The following COL24A1 variants were observed in gnomAD, a reference collection of about 807,000 sequenced individuals.
The protein encoded by COL24A1 is collagen alpha-1(XXIV) chain.
COL24A1 carries 224 observed loss-of-function variants against 253.9 expected under a neutral mutation model. That is an observed-to-expected ratio of 0.88 (90% CI 0.79 to 0.99). The LOEUF (loss-of-function observed/expected upper bound fraction) is 0.99. COL24A1 is among the 50% of genes least tolerant of loss of function. The probability of loss-of-function intolerance (pLI) is 0.00; values close to 1 mark genes in which losing one functional copy is unlikely to be tolerated. For synonymous variants in COL24A1, 685 were observed against 673.7 expected, an observed-to-expected ratio of 1.02 and a Z score of -0.26; for missense variants, 2,131 against 2,068.5, an observed-to-expected ratio of 1.03 and a Z score of -0.59.
Position 85,977,992 on chromosome 1 carries a change from G to T in COL24A1, c.2365-6599C>A, listed in dbSNP as rs550305098. ...AGCTGTGAGGCAAAAGCATCAGGTA[G>T]CCTATAAAGGAAAACATATCAGATT... On this transcript the variant is annotated intron_variant, in intron 20 of 59. Coordinates refer to ENST00000370571, the MANE Select transcript of COL24A1 (RefSeq NM_152890.7). Among the ~76,000 whole-genome samples, 5 of 152,106 alleles carry T rather than the reference G, an allele frequency of 3.3e-5. No individual in the cohort carries two copies. The South Asian group carries it at 6.2e-4, about 19-fold the overall frequency.
At chr1:86,123,464 T>A (rs1168537095) in intron 3 of COL24A1, among the ~76,000 whole-genome samples, 1 of 152,032 alleles carries the variant, frequency 6.6e-6, no homozygotes, top group Non-Finnish European at 1.5e-5. Context: ...ATCTTCATTA[T>A]GAAATATAAG....
At chr1:85,885,385 A>G (rs1444291182) in intron 32 of COL24A1, among the ~76,000 whole-genome samples, 1 of 89,070 alleles carries the variant, frequency 1.1e-5, no homozygotes, top group African/African-American at 3.8e-5. Context: ...GTGTATATAT[A>G]TATATATATA....
chr1:85,813,499 T>C (rs776453545), intron 47 of COL24A1, among the ~76,000 whole-genome samples: 1 of 148,454 alleles, frequency 6.7e-6, no homozygotes, highest in Non-Finnish European at 1.5e-5. Context: ...GGCAGGTGAC[T>C]TAGGTCAAAT....
At chr1:85,962,644 T>C (rs931386869) in intron 23 of COL24A1, among the ~76,000 whole-genome samples, 1 of 152,106 alleles carries the variant, frequency 6.6e-6, no homozygotes, top group Non-Finnish European at 1.5e-5. Context: ...TCATTTTTAG[T>C]GGTGAGGAAT....
chr1:85,988,016 G>A (rs1334841026), intron 19 of COL24A1, among the ~76,000 whole-genome samples: 1 of 151,400 alleles, frequency 6.6e-6, no homozygotes, highest in Admixed American at 6.6e-5. Flanking sequence ...TTAGGTGAAT[G>A]TACTTTGTTG....
intron 43 of COL24A1, among the ~76,000 whole-genome samples, chr1:85,826,892 C>G (rs1035220589): frequency 3.3e-5 from 5 of 152,190 alleles, no homozygotes; most frequent in African/African-American, 2.4e-5. Flanking sequence ...TTGACTTCCT[C>G]TTTTCCTAAC....
At chr1:85,826,624 T>C (rs1674383675) in intron 43 of COL24A1, among the ~76,000 whole-genome samples, 1 of 151,492 alleles carries the variant, frequency 6.6e-6, no homozygotes, top group Non-Finnish European at 1.5e-5. Context: ...GCAGTTCTCC[T>C]TGAAGAGGTC....
At chr1:85,744,134 GTTCTAATC>G (rs1664949802) in intron 57 of COL24A1, among the ~76,000 whole-genome samples, 1 of 151,862 alleles carries the variant, frequency 6.6e-6, no homozygotes, top group South Asian at 2.1e-4. Flanking sequence ...TTCCTTGGTT[GTTCTAATC>G]TAAATTCATT....
At chr1:85,904,292 A>C (rs1263280220) in intron 28 of COL24A1, among the ~76,000 whole-genome samples, 2 of 152,150 alleles carry the variant, frequency 1.3e-5, no homozygotes, top group Non-Finnish European at 2.9e-5. Context: ...AATCAAGAAA[A>C]AAGATGAGGT....
intron 14 of COL24A1, among the ~76,000 whole-genome samples, chr1:86,028,361 C>T (rs1211705716): frequency 1.3e-5 from 2 of 152,224 alleles, no homozygotes; most frequent in Non-Finnish European, 2.9e-5. Context: ...ATAACCCCCA[C>T]ATGCCAAGGG....
intron 5 of COL24A1, among the ~76,000 whole-genome samples, chr1:86,110,870 G>A (rs1705510335): frequency 6.6e-6 from 1 of 152,102 alleles, no homozygotes; most frequent in Non-Finnish European, 1.5e-5. Context: ...TCCCCAGTGG[G>A]GGCTCCACCT....
chr1:85,842,520 A>T lies in COL24A1; in HGVS notation c.3463-127T>A, dbSNP rs1030681077. On this transcript the variant is annotated intron_variant, in intron 39 of 59. Transcript: ENST00000370571. ...CATGGTTGAAATTTACCTAGTTTGAAATAGGAAAGCAAAAAATAACCCCCC... is the reference window on the plus strand; with the variant it reads ...CATGGTTGAAATTTACCTAGTTTGATATAGGAAAGCAAAAAATAACCCCCC... 9 of 657,310 alleles carry T rather than the reference A, an allele frequency of 1.4e-5. No homozygotes were observed. In the African/African-American group the frequency reaches 1.7e-4, roughly 13 times the overall value. The allele number at this position is 657,310 out of a possible 1,614,324, so 40.7% of individuals were successfully genotyped here. A position where few individuals can be genotyped will look rare whatever the true frequency, so the allele number is the denominator to read the frequency against.
At chr1:86,106,825 T>A (rs1705025489) in intron 5 of COL24A1, among the ~76,000 whole-genome samples, 1 of 152,222 alleles carries the variant, frequency 6.6e-6, no homozygotes. Context: ...TTTCAGCTAA[T>A]GATCCCCATA....
At chr1:86,056,724 C>T (rs1463400175) in intron 10 of COL24A1, among the ~76,000 whole-genome samples, 1 of 151,362 alleles carries the variant, frequency 6.6e-6, no homozygotes, top group Admixed American at 6.6e-5. Context: ...TGTGGTGGCA[C>T]GTGCCTGTAG....
chr1:85,841,739 A>G (rs577590397), intron 41 of COL24A1, among the ~76,000 whole-genome samples: 51 of 152,126 alleles, frequency 3.4e-4, no homozygotes, highest in Admixed American at 6.5e-4. Context: ...TCCTGCCCCA[A>G]AGACTTTAAT....
chr1:85,997,039 A>ATGTGTG (rs1491173763), intron 19 of COL24A1, among the ~76,000 whole-genome samples: 5 of 48,446 alleles, frequency 1.0e-4, no homozygotes, highest in Non-Finnish European at 2.1e-4. Flanking sequence ...ATATATATAT[A>ATGTGTG]TATGTGTGTG....
intron 24 of COL24A1, among the ~76,000 whole-genome samples, chr1:85,955,022 T>A (rs1690289931): frequency 6.6e-6 from 1 of 152,134 alleles, no homozygotes; most frequent in Non-Finnish European, 1.5e-5. Context: ...GCTGGGTAAC[T>A]GGTGAGGGCT....
At chr1:86,028,613 T>C (rs140532181) in intron 14 of COL24A1, among the ~76,000 whole-genome samples, 1,807 of 152,334 alleles carry the variant, frequency 0.012, 38 homozygotes, top group African/African-American at 0.041. Flanking sequence ...CTTTCCTTTA[T>C]AAATTACGCA....
chr1:85,782,207 C>T (rs1669216133), intron 51 of COL24A1, among the ~76,000 whole-genome samples: 1 of 152,180 alleles, frequency 6.6e-6, no homozygotes, highest in Non-Finnish European at 1.5e-5. Flanking sequence ...CTGCTTCAGC[C>T]TTCCAAGTAG....
Sources: gnomAD v4.1 joint callset for allele counts (sites outside exome capture counted in the v4.1 genomes callset) on GRCh38, gnomAD v4.1.1 for gene constraint, MANE v1.5 for transcripts, NCBI Gene and HGNC (gene_info 2026-07-23, HGNC 2026-07-21) for gene names.